ACIN1: variants seen among roughly 807,000 people sequenced by gnomAD.
ACIN1 encodes the protein apoptotic chromatin condensation inducer in the nucleus.
ACIN1 carries 16 observed loss-of-function variants against 146.6 expected under a neutral mutation model. The ratio of observed to expected loss-of-function variants is 0.11; its 90% CI spans 0.07 to 0.17. ACIN1 has a LOEUF of 0.17. Among genes scored for constraint, ACIN1 ranks in the 10% least tolerant of loss-of-function variants. The pLI is 1.00. For missense variants in ACIN1, 1,357 were observed against 1,609.3 expected (o/e 0.84, Z 2.68); for synonymous variants, 569 against 582.7 (o/e 0.98, Z 0.34).
chr14:23,073,500 A>C (rs1349123131), intron 8 of ACIN1, among the ~76,000 whole-genome samples: 8 of 152,110 alleles, frequency 5.3e-5, no homozygotes, highest in African/African-American at 9.7e-5. Flanking sequence ...CTCTACTAAA[A>C]ACACAAAATT....
chr14:23,070,204 G>T (rs1273045365), intron 8 of ACIN1, among the ~76,000 whole-genome samples: 1 of 150,758 alleles, frequency 6.6e-6, no homozygotes, highest in African/African-American at 2.4e-5. Context: ...GGTGGGGGGT[G>T]GGGGGTGCGG....
chr14:23,087,057 A>C (rs1009379723), intron 4 of ACIN1, among the ~76,000 whole-genome samples: 3 of 152,230 alleles, frequency 2.0e-5, no homozygotes, highest in Non-Finnish European at 4.4e-5. Context: ...AGGTGCCAGT[A>C]GCGTTTAGAA....
At chr14:23,095,271 G>A (rs1278738198), upstream of ACIN1, 9 of 1,600,000 alleles carry the variant, frequency 5.6e-6, no homozygotes, top group Non-Finnish European at 7.7e-6. Flanking sequence ...GTCCTCGGAT[G>A]TTTCCGTCTC....
chr14:23,065,668 G>A (rs921199458), intron 10 of ACIN1, among the ~76,000 whole-genome samples: 4 of 152,222 alleles, frequency 2.6e-5, no homozygotes, highest in Non-Finnish European at 5.9e-5. Context: ...CTCATTCCTT[G>A]TTGAGTATTC....
At position 23,063,009 on chromosome 14, in the gene ACIN1, T is replaced by C. The variant is rs773887083; in HGVS notation, c.2803A>G (p.Ile935Val). ...SQQKSGVSIT[I>V]DDPVRTAQVP... ...TGGGCAGTTCGGACTGGGTCATCAATGGTAATGGAAACTCCGGACTTCTGC... is the reference window on the plus strand; with the variant it reads ...TGGGCAGTTCGGACTGGGTCATCAACGGTAATGGAAACTCCGGACTTCTGC... The change falls in exon 14 of 19, where the codon ATT becomes GTT. Residue 935 changes from isoleucine (I) to valine (V), a missense_variant. Physicochemically the swap from Ile to Val is conservative, Grantham distance 29. Around this residue, in one of 4 missense-constraint regions of ACIN1, gnomAD observed 509 missense variants for 719.6 expected, o/e 0.71. Coordinates refer to ENST00000605057, the MANE Select transcript of ACIN1 (RefSeq NM_001386863.1). 6.2e-7 allele frequency: 1 copy of C among 1,613,974 alleles called. No individual in the cohort carries two copies. Among genetic ancestry groups the C allele is most frequent in the Non-Finnish European group, 8.5e-7 (1 of 1,179,974 alleles).
chr14:23,065,092 C>T (rs2047411204), intron 10 of ACIN1, among the ~76,000 whole-genome samples: 1 of 152,130 alleles, frequency 6.6e-6, no homozygotes, highest in African/African-American at 2.4e-5. Context: ...AACAAGAACA[C>T]TATGTGATAC....
At chr14:23,076,476 T>G (rs2047804689) in intron 8 of ACIN1, 1 of 151,898 alleles carries the variant, frequency 6.6e-6, no homozygotes, top group Non-Finnish European at 1.5e-5. Flanking sequence ...TTACCTGGAG[T>G]GGGGGGACAG....
At position 23,067,588 on chromosome 14, in the gene ACIN1, T is replaced by C. The variant is rs902471328; in HGVS notation, c.2266-1580A>G. 9.1e-6 allele frequency: 9 copies of C among 984,962 alleles called. No homozygotes were observed. In the African/African-American group the frequency reaches 1.4e-4, roughly 15 times the overall value. 61.0% of individuals were successfully genotyped at this position (984,962 alleles called of 1,614,324 possible). Reference sequence around the variant, plus strand: ...GGCGGTGGCCAGGCTCAGCGAGGGATAGAGGGGGGAAAGGGGCAGAGACAT... The same window carrying C: ...GGCGGTGGCCAGGCTCAGCGAGGGACAGAGGGGGGAAAGGGGCAGAGACAT... On this transcript the variant is annotated intron_variant, in intron 9 of 18. Coordinates refer to ENST00000605057, the MANE Select transcript of ACIN1 (RefSeq NM_001386863.1). The surrounding 1 kb of genome is among the most constrained non-coding windows in gnomAD (Gnocchi z 4.6).
chr14:23,092,433 C>A (rs1471076954), intron 2 of ACIN1, among the ~76,000 whole-genome samples: 1 of 152,188 alleles, frequency 6.6e-6, no homozygotes, highest in Non-Finnish European at 1.5e-5. Flanking sequence ...AAAAGGAATA[C>A]AATTAAGCTG....
intron 8 of ACIN1, chr14:23,071,382 G>T: frequency 6.5e-7 from 1 of 1,549,266 alleles, no homozygotes. Context: ...GTGCGGGGAG[G>T]CTAAAACAGA....
chr14:23,094,406 A>T, intron 1 of ACIN1: 1 of 925,252 alleles, frequency 1.1e-6, no homozygotes, highest in Non-Finnish European at 1.3e-6. Flanking sequence ...CCAAACTCTT[A>T]ACCACCCAAA....
At chr14:23,094,406 A>C in intron 1 of ACIN1, 1 of 925,252 alleles carries the variant, frequency 1.1e-6, no homozygotes, top group East Asian at 1.2e-4. Flanking sequence ...CCAAACTCTT[A>C]ACCACCCAAA....
chr14:23,062,134 C>T, intron 16 of ACIN1, 34 bp downstream of exon 16: 1 of 1,515,068 alleles, frequency 6.6e-7, no homozygotes, highest in Middle Eastern at 1.7e-4. Flanking sequence ...GCTTCCCCTG[C>T]CCCTCCTCTC....
At chr14:23,085,217 C>A (rs2048058523) in intron 4 of ACIN1, among the ~76,000 whole-genome samples, 1 of 152,032 alleles carries the variant, frequency 6.6e-6, no homozygotes, top group Non-Finnish European at 1.5e-5. Flanking sequence ...TGCCTGCAGT[C>A]CCAGCTACTT....
chr14:23,062,137 C>G, intron 16 of ACIN1, 31 bp downstream of exon 16: 27 of 1,523,326 alleles, frequency 1.8e-5, no homozygotes, highest in Non-Finnish European at 2.4e-5. Flanking sequence ...TCCCCTGCCC[C>G]TCCTCTCTTT....
intron 18 of ACIN1, among the ~76,000 whole-genome samples, chr14:23,060,674 G>C (rs759090463): frequency 6.6e-6 from 1 of 152,062 alleles, no homozygotes; most frequent in African/African-American, 2.4e-5. Flanking sequence ...ACTGCACCCG[G>C]CTAATTTTTG....
At chr14:23,091,815 G>C (rs949282389) in intron 2 of ACIN1, among the ~76,000 whole-genome samples, 1 of 152,000 alleles carries the variant, frequency 6.6e-6, no homozygotes, top group Non-Finnish European at 1.5e-5. Flanking sequence ...GTATAGACGG[G>C]GTTTTGCCAT....
At chr14:23,093,335 C>T (rs2048276291) in intron 2 of ACIN1, 144 bp downstream of exon 2, 5 of 782,000 alleles carry the variant, frequency 6.4e-6, no homozygotes, top group Non-Finnish European at 6.2e-6. Context: ...TAGAATTCAA[C>T]TGTCCTGGTT....
rs1191000957 is a variant in ACIN1 at position 23,059,074 on chromosome 14, CTG to C, written c.*72_*73del. ...ACCCTTGGCTCCAGGGTGGTGGAGA[CTG>C]TGCCTATCCCTCTGTGGCCATAACC... On this transcript the variant is annotated 3_prime_UTR_variant, in exon 19 of 19. Transcript: ENST00000605057. 9.8e-6 allele frequency: 14 copies of C among 1,435,204 alleles called. No homozygotes were observed. Among genetic ancestry groups the C allele is most frequent in the African/African-American group, 5.6e-5 (4 of 71,282 alleles). 88.9% of individuals were successfully genotyped at this position (1,435,204 alleles called of 1,614,324 possible).
Sources: allele counts gnomAD v4.1 joint callset (sites outside exome capture counted in the v4.1 genomes callset), GRCh38; gene constraint gnomAD v4.1.1; regional missense constraint gnomAD v4.1.1; non-coding constraint Gnocchi (gnomAD v3.1); transcripts MANE v1.5; gene names NCBI Gene and HGNC (gene_info 2026-07-23, HGNC 2026-07-21).